The following FSTL5 variants were observed in gnomAD, a reference collection of about 807,000 sequenced individuals.
FSTL5 encodes the protein follistatin-related protein 5.
In FSTL5, 62 loss-of-function variants were observed where a neutral mutation model predicts 89.1. The observed-to-expected ratio is 0.70, with a 90% confidence interval of 0.57 to 0.86. The LOEUF (loss-of-function observed/expected upper bound fraction) is 0.86, where lower values mean the gene tolerates loss of function less well. Ranked by LOEUF, FSTL5 falls within the 40% of genes least tolerant of loss-of-function variation. The pLI, the probability that FSTL5 is intolerant of heterozygous loss-of-function variation, is 0.00. For synonymous variants in FSTL5, 383 were observed against 346.2 expected (o/e 1.11, Z -1.18); for missense variants, 1,057 against 1,001.6 (o/e 1.06, Z -0.75).
chr4:161,827,680 C>T lies in FSTL5; in HGVS notation c.410-51606G>A, dbSNP rs551632633. ...TCTCAGGCCAATGGAGTTATGTTCC[C>T]AGGGGAATTTTGGCTGCTTCTGCTG... is the stretch of plus-strand genomic sequence containing the variant. On this transcript the variant is annotated intron_variant, in intron 4 of 15. Coordinates refer to ENST00000306100, the MANE Select transcript of FSTL5 (RefSeq NM_020116.5). 3.3e-5 allele frequency among the ~76,000 whole-genome samples: 5 copies of T among 152,238 alleles called. No homozygotes were observed. The East Asian group carries it at 9.7e-4, about 30-fold the overall frequency.
intron 1 of FSTL5, among the ~76,000 whole-genome samples, chr4:162,126,543 G>C (rs993489219): frequency 6.6e-6 from 1 of 151,858 alleles, no homozygotes; most frequent in African/African-American, 2.4e-5. Context: ...ATTTCCAGTA[G>C]TATTTACAAT....
At chr4:161,691,655 T>TG (rs1185631434) in intron 6 of FSTL5, among the ~76,000 whole-genome samples, 1 of 152,180 alleles carries the variant, frequency 6.6e-6, no homozygotes, top group African/African-American at 2.4e-5. Flanking sequence ...TTATAAACAG[T>TG]GGATGTCGTT....
chr4:162,133,790 G>A (rs1732413260), intron 1 of FSTL5, among the ~76,000 whole-genome samples: 1 of 152,200 alleles, frequency 6.6e-6, no homozygotes. Context: ...TAAGAAAGCA[G>A]CTTTATAATG....
At chr4:161,649,538 G>C (rs1163762700) in intron 7 of FSTL5, among the ~76,000 whole-genome samples, 4 of 152,160 alleles carry the variant, frequency 2.6e-5, no homozygotes, top group African/African-American at 4.8e-5. Flanking sequence ...GATACGCAGA[G>C]TTGGTTAAAT....
intron 1 of FSTL5, among the ~76,000 whole-genome samples, chr4:162,114,508 C>G (rs1245047080): frequency 1.4e-5 from 2 of 145,098 alleles, no homozygotes; most frequent in Non-Finnish European, 3.0e-5. Context: ...CTCTTCTTCC[C>G]TCTCTTTCTC....
intron 3 of FSTL5, among the ~76,000 whole-genome samples, chr4:161,965,796 T>C (rs1735309197): frequency 6.6e-6 from 1 of 152,084 alleles, no homozygotes; most frequent in African/African-American, 2.4e-5. Context: ...TGTCATTTTC[T>C]GTTAGTGTCC....
intron 3 of FSTL5, among the ~76,000 whole-genome samples, chr4:162,007,169 A>G (rs1297113205): frequency 1.3e-5 from 2 of 151,914 alleles, no homozygotes; most frequent in African/African-American, 4.8e-5. Context: ...ATTTAAAATG[A>G]CATAAAGCGA....
At chr4:162,135,966 G>T (rs186086774) in intron 1 of FSTL5, among the ~76,000 whole-genome samples, 1 of 151,386 alleles carries the variant, frequency 6.6e-6, no homozygotes. Flanking sequence ...ATTCTATCTC[G>T]CTTTTCATGC....
chr4:161,912,865 A>T (rs2110835670), intron 4 of FSTL5, among the ~76,000 whole-genome samples: 1 of 152,342 alleles, frequency 6.6e-6, no homozygotes, highest in East Asian at 1.9e-4. Context: ...AATAAGATCC[A>T]GACTGAGGTG....
intron 4 of FSTL5, among the ~76,000 whole-genome samples, chr4:161,855,848 A>G (rs1731704599): frequency 6.6e-6 from 1 of 152,174 alleles, no homozygotes; most frequent in South Asian, 2.1e-4. Context: ...CTGTATTACA[A>G]AAGTGTGTAC....
chr4:161,791,904 T>C (rs1231990718), intron 4 of FSTL5, among the ~76,000 whole-genome samples: 1 of 152,120 alleles, frequency 6.6e-6, no homozygotes, highest in East Asian at 1.9e-4. Flanking sequence ...GTGGAGAAGG[T>C]GAGGCCGGGG....
At chr4:161,434,720 T>G (rs1732493947) in intron 15 of FSTL5, among the ~76,000 whole-genome samples, 1 of 117,142 alleles carries the variant, frequency 8.5e-6, no homozygotes, top group Non-Finnish European at 2.1e-5. Context: ...AAAAACTCTA[T>G]AAGAAAAAAA....
chr4:161,426,623 C>T (rs1274192506), intron 15 of FSTL5, among the ~76,000 whole-genome samples: 1 of 152,136 alleles, frequency 6.6e-6, no homozygotes, highest in Non-Finnish European at 1.5e-5. Flanking sequence ...GGTGGAGTCT[C>T]ACTCTGTTGC....
At chr4:161,565,403 A>G (rs573897288) in intron 8 of FSTL5, among the ~76,000 whole-genome samples, 2 of 151,954 alleles carry the variant, frequency 1.3e-5, no homozygotes, top group Admixed American at 1.3e-4. Flanking sequence ...ATATTGAAAT[A>G]AATACATATA....
chr4:161,740,481 A>G (rs557411201), intron 6 of FSTL5, among the ~76,000 whole-genome samples: 4 of 152,156 alleles, frequency 2.6e-5, no homozygotes, highest in Non-Finnish European at 5.9e-5. Flanking sequence ...AAGAAAAAAA[A>G]AAGCAAGTCC....
At chr4:162,038,545 A>C (rs192801688) in intron 2 of FSTL5, among the ~76,000 whole-genome samples, 1 of 152,058 alleles carries the variant, frequency 6.6e-6, no homozygotes, top group Admixed American at 6.6e-5. Flanking sequence ...GTGGTTCTGA[A>C]GCATCTAAAC....
chr4:161,549,098 C>G (rs1732108178), intron 8 of FSTL5, among the ~76,000 whole-genome samples: 1 of 151,638 alleles, frequency 6.6e-6, no homozygotes, highest in Non-Finnish European at 1.5e-5. Flanking sequence ...TTCTAGACCT[C>G]AGATTTGGAA....
rs906703308 is a variant in FSTL5, at chr4:161,800,287, A to G, written c.410-24213T>C. 6.6e-5 allele frequency among the ~76,000 whole-genome samples: 10 copies of G among 151,784 alleles called. No individual in the cohort carries two copies. In the East Asian group the frequency reaches 1.2e-3, roughly 18 times the overall value. On this transcript the variant is annotated intron_variant, in intron 4 of 15. Transcript: ENST00000306100. ...TAGTTATACAAAACCCGTTCAAACC[A>G]GAGAGAAGCATGTCTAGAAAAGACC...
chr4:161,646,262 T>C (rs1578992604), intron 7 of FSTL5, among the ~76,000 whole-genome samples: 1 of 148,842 alleles, frequency 6.7e-6, no homozygotes, highest in South Asian at 2.1e-4. Context: ...TCTCTCTCTA[T>C]ATATCTCATA....
Sources: gnomAD v4.1 joint callset for allele counts (sites outside exome capture counted in the v4.1 genomes callset) on GRCh38, gnomAD v4.1.1 for gene constraint, MANE v1.5 for transcripts, NCBI Gene and HGNC (gene_info 2026-07-23, HGNC 2026-07-21) for gene names.